Variants in CCNB3 observed in about 807,000 individuals in gnomAD.
CCNB3 encodes G2/mitotic-specific cyclin-B3.
CCNB3 carries 12 observed loss-of-function variants against 68.0 expected under a neutral mutation model. That is an observed-to-expected ratio of 0.18 (90% CI 0.11 to 0.29). CCNB3 has a LOEUF of 0.29. Among genes scored for constraint, CCNB3 ranks in the 10% least tolerant of loss-of-function variants. The pLI, the probability that CCNB3 is intolerant of heterozygous loss-of-function variation, is 1.00. For synonymous variants in CCNB3, 354 were observed against 388.9 expected (o/e 0.91, Z 1.06); for missense variants, 904 against 993.1 (o/e 0.91, Z 1.21).
rs1557209734 is a variant in CCNB3, at chrX:50,288,895, T to C, written c.204+8T>C. 1.8e-6 allele frequency: 2 copies of C among 1,103,908 alleles called. No homozygotes were observed. The highest frequency in any genetic ancestry group is 1.9e-5 in the South Asian group (1 of 52,110). The allele number at this position is 1,103,908 out of a possible 1,213,427, so 91.0% of individuals were successfully genotyped here. ...TTTGAAGATCTCACTAATGTGAGTA[T>C]GCTAGTCCAATCCTTTGCTATGGTT... On this transcript the variant is annotated splice_region_variant and intron_variant, in intron 4 of 12. Coordinates refer to ENST00000376042, the MANE Select transcript of CCNB3 (RefSeq NM_033031.3).
chrX:50,222,119 T>C (rs907024370), intron 1 of CCNB3, among the ~76,000 whole-genome samples: 3 of 111,238 alleles, frequency 2.7e-5, no homozygotes, highest in Non-Finnish European at 5.7e-5. Flanking sequence ...ATTTGCTTGG[T>C]AAATATTCCT....
intron 8 of CCNB3, among the ~76,000 whole-genome samples, chrX:50,329,652 C>CT (rs1396567073): frequency 8.9e-6 from 1 of 112,555 alleles, no homozygotes; most frequent in Non-Finnish European, 1.9e-5. Flanking sequence ...CTTTAAATGC[C>CT]TTTTTCCCAT....
At chrX:50,218,117 G>C (rs1191395575) in intron 1 of CCNB3, among the ~76,000 whole-genome samples, 1 of 111,890 alleles carries the variant, frequency 8.9e-6, no homozygotes, top group Non-Finnish European at 1.9e-5. Flanking sequence ...ACCTTTGCCA[G>C]TGTCCTAAAC....
intron 9 of CCNB3, among the ~76,000 whole-genome samples, chrX:50,343,040 A>G (rs1923214203): frequency 9.0e-6 from 1 of 111,578 alleles, no homozygotes; most frequent in African/African-American, 3.3e-5. Context: ...ATTTAAAAAA[A>G]ATAAAGTTAA....
At chrX:50,291,397 G>T (rs1471472469) in intron 4 of CCNB3, among the ~76,000 whole-genome samples, 1 of 111,545 alleles carries the variant, frequency 9.0e-6, no homozygotes, top group East Asian at 2.8e-4. Flanking sequence ...GAATAGCTGG[G>T]ACTACAGGTG....
rs143984822 is a variant in CCNB3, at chrX:50,336,114, G to A, written c.3517-6088G>A. ...TGGGCTCCTTGGGGGCGCTTGAGCC[G>A]GGTCCCCTTCAGTCTAATTGCCCTT... On this transcript the variant is annotated intron_variant, in intron 8 of 12. Transcript: ENST00000376042. Among the ~76,000 whole-genome samples, 143 of 111,856 alleles carry A rather than the reference G, an allele frequency of 1.3e-3. 1 individual carries two copies. The East Asian group carries it at 0.027, about 21-fold the overall frequency.
At position 50,308,569 on chromosome X, in the gene CCNB3, C is replaced by A. The variant is rs200589179; in HGVS notation, c.400C>A (p.Pro134Thr). The change falls in exon 6 of 13, where the codon CCA becomes ACA. Residue 134 changes from proline (P) to threonine (T), a missense_variant. Physicochemically the swap from Pro to Thr is conservative, Grantham distance 38. This residue lies in a region of CCNB3 where 619 missense variants were observed against 609.8 expected (regional missense o/e 1.02). Coordinates refer to ENST00000376042, the MANE Select transcript of CCNB3 (RefSeq NM_033031.3). The part of the protein sequence containing the change: ...TTVVPNIMEK[P>T]LILDISTTSK... ...CGTGGTACCAAACATTATGGAGAAACCACTCATTCTAGACATATCCACCAC... is the reference window on the plus strand; with the variant it reads ...CGTGGTACCAAACATTATGGAGAAAACACTCATTCTAGACATATCCACCAC... 7.3e-5 allele frequency: 88 copies of A among 1,207,804 alleles called. No homozygotes were observed. Among genetic ancestry groups the A allele is most frequent in the Non-Finnish European group, 9.3e-5 (83 of 893,688 alleles).
At chrX:50,340,730 G>A (rs1299821164) in intron 8 of CCNB3, among the ~76,000 whole-genome samples, 7 of 111,771 alleles carry the variant, frequency 6.3e-5, no homozygotes, top group Admixed American at 5.7e-4. Flanking sequence ...TTTGCAGAAA[G>A]GTACTGCAGG....
At chrX:50,292,295 T>C (rs781800319) in intron 4 of CCNB3, among the ~76,000 whole-genome samples, 12 of 110,917 alleles carry the variant, frequency 1.1e-4, no homozygotes, top group Admixed American at 8.7e-4. Context: ...CTTTTTAGCC[T>C]CTTAACCTGG....
intron 4 of CCNB3, among the ~76,000 whole-genome samples, chrX:50,293,713 C>A (rs1326340099): frequency 9.0e-6 from 1 of 111,300 alleles, no homozygotes; most frequent in Non-Finnish European, 1.9e-5. Context: ...CTGTAATAAA[C>A]AAACCTACTA....
intron 9 of CCNB3, among the ~76,000 whole-genome samples, chrX:50,343,540 C>CA (rs1356241687): frequency 9.0e-6 from 1 of 111,378 alleles, no homozygotes; most frequent in Non-Finnish European, 1.9e-5. Flanking sequence ...CCCATCTCTA[C>CA]AAAAAAATAA....
chrX:50,227,736 T>C (rs1291455031), intron 1 of CCNB3, among the ~76,000 whole-genome samples: 1 of 81,338 alleles, frequency 1.2e-5, no homozygotes, highest in African/African-American at 4.7e-5. Context: ...AGATAATATA[T>C]ATAAATATGT....
intron 8 of CCNB3, among the ~76,000 whole-genome samples, chrX:50,317,567 G>GTATGTATGTATTTATT (rs1409621892): frequency 3.3e-4 from 36 of 108,370 alleles, no homozygotes; most frequent in African/African-American, 1.2e-3. Context: ...ATGTATGTAT[G>GTATGTATGTATTTATT]TATTTATTTA....
At chrX:50,227,811 A>AATATATAGAGAATATATCT (rs1557207876) in intron 1 of CCNB3, among the ~76,000 whole-genome samples, 3 of 80,115 alleles carry the variant, frequency 3.7e-5, no homozygotes, top group African/African-American at 1.6e-4. Context: ...AATAAATATA[A>AATATATAGAGAATATATCT]ATATATAGAG....
At position 50,347,799 on chromosome X, in the gene CCNB3, A is replaced by G. The variant is rs1923480286; in HGVS notation, c.3960+24A>G. On this transcript the variant is annotated intron_variant, in intron 11 of 12. Transcript: ENST00000376042. ...GGGTAAACACTTGCGAGATAGGGGT[A>G]TAGGGGTAGAGATTTAAAAAGCAGA... 2.5e-6 allele frequency: 3 copies of G among 1,189,040 alleles called. No individual in the cohort carries two copies. The African/African-American group carries it at 5.3e-5, about 21-fold the overall frequency.
intron 5 of CCNB3, among the ~76,000 whole-genome samples, chrX:50,303,307 G>A (rs1203976824): frequency 1.8e-5 from 2 of 110,633 alleles, no homozygotes; most frequent in South Asian, 3.9e-4. Flanking sequence ...AACCACCTCC[G>A]GCTAATTTTT....
intron 9 of CCNB3, among the ~76,000 whole-genome samples, chrX:50,345,815 G>A (rs781953916): frequency 8.9e-6 from 1 of 112,205 alleles, no homozygotes; most frequent in Non-Finnish European, 1.9e-5. Flanking sequence ...CTTGCCGTGT[G>A]AACCTGAGCA....
chrX:50,336,730 T>C (rs1416868861), intron 8 of CCNB3, among the ~76,000 whole-genome samples: 1 of 111,386 alleles, frequency 9.0e-6, no homozygotes, highest in Non-Finnish European at 1.9e-5. Context: ...CATGGTACTG[T>C]CTTAGCCTCT....
intron 8 of CCNB3, among the ~76,000 whole-genome samples, chrX:50,333,228 C>T (rs1388098245): frequency 9.0e-6 from 1 of 111,441 alleles, no homozygotes; most frequent in Non-Finnish European, 1.9e-5. Flanking sequence ...TTCATAAGGG[C>T]AGTCCAAACC....
Sources: gnomAD v4.1 joint callset for allele counts (sites outside exome capture counted in the v4.1 genomes callset) on GRCh38, gnomAD v4.1.1 for gene constraint, gnomAD v4.1.1 regional missense constraint, MANE v1.5 for transcripts, NCBI Gene and HGNC (gene_info 2026-07-23, HGNC 2026-07-21) for gene names.